The following PANK1 variants were observed in gnomAD, a reference collection of about 807,000 sequenced individuals.
The protein encoded by PANK1 is pantothenic acid kinase 1.
A neutral mutation model predicts 40.1 loss-of-function variants in PANK1; 18 were observed. That is an observed-to-expected ratio of 0.45 (90% CI 0.31 to 0.67). The LOEUF is 0.67. Among genes scored for constraint, PANK1 ranks in the 30% least tolerant of loss-of-function variants. PANK1 has a pLI of 0.06. For missense variants in PANK1, 457 were observed against 599.6 expected (o/e 0.76, Z 2.48); for synonymous variants, 242 against 237.7 (o/e 1.02, Z -0.17).
At chr10:89,636,433 G>A (rs1488281280) in intron 1 of PANK1, among the ~76,000 whole-genome samples, 3 of 151,778 alleles carry the variant, frequency 2.0e-5, no homozygotes, top group African/African-American at 7.3e-5. Context: ...GCCCCCCGGG[G>A]TGCACGCCAT....
chr10:89,628,739 TTAAAGA>T (rs140327455), intron 1 of PANK1, among the ~76,000 whole-genome samples: 3,477 of 152,350 alleles, frequency 0.023, 57 homozygotes, highest in Non-Finnish European at 0.036. Flanking sequence ...ATACCAGTTC[TTAAAGA>T]TAATCTTTCT....
At position 89,643,693 on chromosome 10, in the gene PANK1, T is replaced by A; in HGVS notation, c.292+907A>T. The A allele has an allele frequency of 1.9e-6, 3 of 1,608,754 alleles. No individual in the cohort carries two copies. The South Asian group carries it at 3.3e-5, about 18-fold the overall frequency. On this transcript the variant is annotated intron_variant, in intron 1 of 6. Transcript: ENST00000307534. ...AGTCATTTATTAGCATTTACTGTACTTACTTTGCTTTTTGCCATTTATAAG... is the reference window on the plus strand; with the variant it reads ...AGTCATTTATTAGCATTTACTGTACATACTTTGCTTTTTGCCATTTATAAG...
intron 6 of PANK1, 49 bp downstream of exon 6, chr10:89,588,603 C>T (rs747775751): frequency 1.4e-6 from 2 of 1,464,556 alleles, no homozygotes; most frequent in Non-Finnish European, 1.8e-6. Flanking sequence ...GTTAGCCAAA[C>T]CAAAATATAC....
Position 89,622,259 on chromosome 10 carries a change from G to A in PANK1, c.293-10211C>T, listed in dbSNP as rs113563086. Among the ~76,000 whole-genome samples the A allele has an allele frequency of 5.0e-4, 76 of 152,298 alleles. 1 individual carries two copies. The highest frequency in any genetic ancestry group is 3.4e-3 in the Middle Eastern group (1 of 294). ...ATAATTATCACACACAGAGCAATCT[G>A]TTGAACATTACTCTATGAAAAGAAA... On this transcript the variant is annotated intron_variant, in intron 1 of 6. Transcript: ENST00000307534.
At chr10:89,624,220 G>A (rs765124165) in intron 1 of PANK1, among the ~76,000 whole-genome samples, 5 of 152,162 alleles carry the variant, frequency 3.3e-5, no homozygotes, top group Admixed American at 1.3e-4. Flanking sequence ...TCTGCTGCTC[G>A]GGGTTAACCC....
chr10:89,642,310 A>C (rs1439655963), intron 1 of PANK1, among the ~76,000 whole-genome samples: 4 of 152,258 alleles, frequency 2.6e-5, no homozygotes. Flanking sequence ...ACAATACTAC[A>C]AAATAGAAAC....
rs552796762 is a variant in PANK1 at position 89,644,390 on chromosome 10, C to T, written c.292+210G>A. ...CCAATCCTCGTTCTACTGATAGAAG[C>T]GAGCAAAGGGCAGGCTCAGGCAAAG... On this transcript the variant is annotated intron_variant, in intron 1 of 6. Coordinates refer to ENST00000307534, the MANE Select transcript of PANK1 (RefSeq NM_148977.3). Among the ~76,000 whole-genome samples the T allele has an allele frequency of 5.3e-5, 8 of 152,270 alleles. No homozygotes were observed. The South Asian group carries it at 1.5e-3, about 28-fold the overall frequency.
At chr10:89,627,396 C>T (rs557984593) in intron 1 of PANK1, among the ~76,000 whole-genome samples, 1 of 152,264 alleles carries the variant, frequency 6.6e-6, no homozygotes, top group Admixed American at 6.5e-5. Flanking sequence ...GCGTAGATTA[C>T]ATGCAAATAC....
At chr10:89,608,865 TG>T (rs1275603508) in intron 2 of PANK1, among the ~76,000 whole-genome samples, 5 of 152,180 alleles carry the variant, frequency 3.3e-5, no homozygotes, top group Non-Finnish European at 7.3e-5. Context: ...GAGGAGAGCT[TG>T]GATTATTAGG....
chr10:89,597,845 T>C (rs553557557), intron 3 of PANK1, among the ~76,000 whole-genome samples: 3 of 152,368 alleles, frequency 2.0e-5, no homozygotes, highest in Non-Finnish European at 2.9e-5. Flanking sequence ...TCTCTGATAT[T>C]CCTGACAGTC....
At chr10:89,589,076 CA>C (rs1844290571) in intron 5 of PANK1, among the ~76,000 whole-genome samples, 1 of 152,072 alleles carries the variant, frequency 6.6e-6, no homozygotes, top group African/African-American at 2.4e-5. Flanking sequence ...CGTATATATA[CA>C]ATTTTAACTG....
At position 89,595,836 on chromosome 10, in the gene PANK1, ATATATATAT is replaced by A. The variant is rs1564620109; in HGVS notation, c.900-1856_900-1848del. Among the ~76,000 whole-genome samples, 188 of 46,288 alleles carry A rather than the reference ATATATATAT, an allele frequency of 4.1e-3. 3 individuals are homozygous for A. The highest frequency in any genetic ancestry group is 0.011 in the East Asian group (18 of 1,626). The allele number at this position is 46,288 out of a possible 152,430, so 30.4% of individuals were successfully genotyped here. A position where few individuals can be genotyped will look rare whatever the true frequency, so the allele number is the denominator to read the frequency against. ...CATCTTAAAAAAAAAAAAAAAAAAT[ATATATATAT>A]ATATATATATATATATATATATATA... On this transcript the variant is annotated intron_variant, in intron 3 of 6. Transcript: ENST00000307534.
intron 2 of PANK1, among the ~76,000 whole-genome samples, chr10:89,606,169 C>T (rs1302959484): frequency 2.0e-5 from 3 of 152,104 alleles, no homozygotes; most frequent in South Asian, 2.1e-4. Context: ...AAGGGCCACA[C>T]GATTTTCAGA....
At chr10:89,596,997 T>C (rs943373675) in intron 3 of PANK1, among the ~76,000 whole-genome samples, 14 of 152,204 alleles carry the variant, frequency 9.2e-5, no homozygotes, top group African/African-American at 3.4e-4. Context: ...AACAAAATTA[T>C]ATATAACACT....
chr10:89,641,203 TC>T (rs1017673728), intron 1 of PANK1, among the ~76,000 whole-genome samples: 19 of 152,354 alleles, frequency 1.2e-4, no homozygotes, highest in Middle Eastern at 3.4e-3. Context: ...ACTGTATGCA[TC>T]CATACTCTAT....
intron 1 of PANK1, among the ~76,000 whole-genome samples, chr10:89,631,976 G>GTGTGTGTGT (rs199540491): frequency 0.14 from 20,162 of 143,030 alleles, 1,675 homozygotes; most frequent in East Asian, 0.3. Flanking sequence ...GTGTGTGTGT[G>GTGTGTGTGT]TTTTTTTTTT....
chr10:89,609,615 T>G (rs1845089327), intron 2 of PANK1, among the ~76,000 whole-genome samples: 1 of 152,236 alleles, frequency 6.6e-6, no homozygotes. Context: ...CTGTCTTCAC[T>G]TTGGCTGAGA....
intron 3 of PANK1, among the ~76,000 whole-genome samples, chr10:89,598,385 C>T (rs1220098976): frequency 4.6e-5 from 7 of 152,210 alleles, no homozygotes; most frequent in Admixed American, 6.5e-5. Flanking sequence ...AGAAGTGACA[C>T]GATATCTGCA....
intron 1 of PANK1, among the ~76,000 whole-genome samples, chr10:89,629,600 T>A (rs1841572464): frequency 6.6e-6 from 1 of 152,132 alleles, no homozygotes; most frequent in Non-Finnish European, 1.5e-5. Context: ...TTATTTGCAC[T>A]GTCTCATTTT....
Sources: gnomAD v4.1 joint callset for allele counts (sites outside exome capture counted in the v4.1 genomes callset) on GRCh38, gnomAD v4.1.1 for gene constraint, MANE v1.5 for transcripts, NCBI Gene and HGNC (gene_info 2026-07-23, HGNC 2026-07-21) for gene names.